SMIM36: variants seen among roughly 807,000 people sequenced by gnomAD.
SMIM36 encodes the protein small integral membrane protein 36.
chr17:55,523,516 T>C, the SMIM36 span, among the ~76,000 whole-genome samples: 2 of 132,524 alleles, frequency 1.5e-5, no homozygotes, highest in South Asian at 4.6e-4. Context: ...GGCGACAGAG[T>C]GAGACTCCGT....
chr17:55,489,313 G>A (rs952494769), intron 1 of SMIM36, among the ~76,000 whole-genome samples: 1 of 151,988 alleles, frequency 6.6e-6, no homozygotes, highest in African/African-American at 2.4e-5. Context: ...GGGAGGTGGA[G>A]GTTGCAGTGA....
Position 55,505,411 on chromosome 17 carries a change from G to A in SMIM36, c.*174+5468C>T, listed in dbSNP as rs1160659047. On this transcript the variant is annotated intron_variant, in intron 1 of 4. Transcript: ENST00000636752. ...GTGGGCTTCATCCCTGGGATGCAAG[G>A]CTGGTTCAATATACGCAAATCAATA... 3.0e-5 allele frequency among the ~76,000 whole-genome samples: 2 copies of A among 65,800 alleles called. 1 individual carries two copies. The highest frequency in any genetic ancestry group is 4.8e-5 in the Non-Finnish European group (2 of 42,080). The allele number at this position is 65,800 out of a possible 152,430, so 43.2% of individuals were successfully genotyped here.
chr17:55,496,445 G>A (rs981112956), intron 1 of SMIM36, among the ~76,000 whole-genome samples: 2 of 152,182 alleles, frequency 1.3e-5, no homozygotes, highest in African/African-American at 4.8e-5. Flanking sequence ...TTGGGAGGAT[G>A]TGAAATAGCT....
chr17:55,483,867 A>G (rs1909561549), intron 1 of SMIM36, among the ~76,000 whole-genome samples: 1 of 152,138 alleles, frequency 6.6e-6, no homozygotes, highest in Non-Finnish European at 1.5e-5. Context: ...ACCTCAAGTG[A>G]TCTGCCTGCC....
chr17:55,526,038 A>G, the SMIM36 span, among the ~76,000 whole-genome samples: 1 of 152,240 alleles, frequency 6.6e-6, no homozygotes, highest in Non-Finnish European at 1.5e-5. Flanking sequence ...TGTGGCCAAC[A>G]AGGCCATTCT....
chr17:55,471,997 C>G (rs941295626), intron 3 of SMIM36, among the ~76,000 whole-genome samples: 35 of 152,280 alleles, frequency 2.3e-4, no homozygotes, highest in African/African-American at 8.2e-4. Flanking sequence ...GTCTGCCCCT[C>G]GACTCCTCCA....
At chr17:55,451,979 GC>G (rs920994690) in intron 4 of SMIM36, among the ~76,000 whole-genome samples, 58 of 151,374 alleles carry the variant, frequency 3.8e-4, no homozygotes, top group African/African-American at 1.3e-3. Flanking sequence ...GGTGGTGGGT[GC>G]CCTCAGCAAC....
intron 4 of SMIM36, chr17:55,458,524 C>T (rs1325320096): frequency 1.3e-5 from 2 of 152,306 alleles, no homozygotes; most frequent in Non-Finnish European, 2.9e-5. Context: ...ACCACCCTGG[C>T]CTGCCACGCC....
intron 3 of SMIM36, chr17:55,468,237 C>T (rs1402107803): frequency 6.6e-6 from 1 of 152,396 alleles, no homozygotes; most frequent in Non-Finnish European, 1.5e-5. Context: ...CTGTCTTCGC[C>T]CTCACTCCGT....
At chr17:55,501,338 A>ATTATATTCTATAATATATAATATG (rs1909959517) in intron 1 of SMIM36, among the ~76,000 whole-genome samples, 3 of 18,284 alleles carry the variant, frequency 1.6e-4, no homozygotes. Flanking sequence ...TATATAATAT[A>ATTATATTCTATAATATATAATATG]TTATATATTA....
At chr17:55,452,080 A>G (rs1038661540) in intron 4 of SMIM36, among the ~76,000 whole-genome samples, 1 of 143,496 alleles carries the variant, frequency 7.0e-6, no homozygotes, top group African/African-American at 2.6e-5. Context: ...AGCCTGGGTG[A>G]CAGCATAAGA....
At chr17:55,525,166 T>C in the SMIM36 span, among the ~76,000 whole-genome samples, 281 of 152,338 alleles carry the variant, frequency 1.8e-3, no homozygotes, top group South Asian at 3.1e-3. Flanking sequence ...TTCTGTAACA[T>C]TGAGATGTGC....
intron 4 of SMIM36, chr17:55,454,154 G>A (rs1000041527): frequency 2.6e-5 from 4 of 152,146 alleles, no homozygotes; most frequent in East Asian, 3.8e-4. Context: ...GTAGGTGTTT[G>A]GTGTGAGTCT....
At chr17:55,460,948 C>T (rs1355782067) in intron 4 of SMIM36, among the ~76,000 whole-genome samples, 1 of 152,116 alleles carries the variant, frequency 6.6e-6, no homozygotes, top group East Asian at 1.9e-4. Context: ...ATATAGTGAA[C>T]AAGTGAGCTA....
the SMIM36 span, among the ~76,000 whole-genome samples, chr17:55,516,644 C>T: frequency 6.1e-3 from 926 of 151,242 alleles, 11 homozygotes; most frequent in African/African-American, 0.019. Flanking sequence ...CTGCAAACTC[C>T]GCCTCCCGGT....
rs549780511 is a variant in SMIM36 at position 55,508,648 on chromosome 17, C to T, written c.*174+2231G>A. Among the ~76,000 whole-genome samples the T allele has an allele frequency of 8.6e-5, 13 of 151,392 alleles. No homozygotes were observed. In the East Asian group the frequency reaches 1.2e-3, roughly 14 times the overall value. On this transcript the variant is annotated intron_variant, in intron 1 of 4. Transcript: ENST00000636752. ...TATAAAAGTGAAGATGGTGGCTGAG[C>T]GCGGTGGCTCACGCCTGTAAACCCA...
the SMIM36 span, among the ~76,000 whole-genome samples, chr17:55,530,303 G>A: frequency 6.6e-6 from 1 of 152,182 alleles, no homozygotes; most frequent in Non-Finnish European, 1.5e-5. Flanking sequence ...AAAACAGTTG[G>A]TGCTGCTCTA....
intron 3 of SMIM36, among the ~76,000 whole-genome samples, chr17:55,470,434 C>T (rs1261172143): frequency 1.3e-5 from 2 of 152,172 alleles, no homozygotes; most frequent in Non-Finnish European, 2.9e-5. Context: ...GCCCACTCCA[C>T]ATTACCTTCT....
exon 1 of SMIM36, chr17:55,511,008 C>T: frequency 2.5e-6 from 1 of 397,850 alleles, no homozygotes; most frequent in East Asian, 3.6e-5. Flanking sequence ...CAGTTTGTCT[C>T]TATGGAAAGT....
Sources: allele counts gnomAD v4.1 joint callset (sites outside exome capture counted in the v4.1 genomes callset), GRCh38; gene constraint gnomAD v4.1.1; transcripts MANE v1.5; gene names NCBI Gene and HGNC (gene_info 2026-07-23, HGNC 2026-07-21).